PEBP4: variants seen among roughly 807,000 people sequenced by gnomAD.
PEBP4 encodes phosphatidylethanolamine-binding protein 4.
Under a neutral mutation model 23.9 loss-of-function variants are expected in PEBP4, and 22 were observed. The observed-to-expected ratio is 0.92, with a 90% CI of 0.66 to 1.31. The LOEUF is 1.31. PEBP4 is among the 40% of genes most tolerant of loss of function. The pLI is 0.00. For synonymous variants in PEBP4, 112 were observed against 99.3 expected, an observed-to-expected ratio of 1.13 and a Z score of -0.76; for missense variants, 324 against 281.7, an observed-to-expected ratio of 1.15 and a Z score of -1.07.
intron 6 of PEBP4, among the ~76,000 whole-genome samples, chr8:22,719,812 G>T (rs1255551628): frequency 6.6e-6 from 1 of 152,154 alleles, no homozygotes; most frequent in Non-Finnish European, 1.5e-5. Context: ...AGGGTGGCTG[G>T]TGGAGAGGCT....
chr8:22,745,091 T>C (rs1203517909), intron 4 of PEBP4, among the ~76,000 whole-genome samples: 1 of 152,208 alleles, frequency 6.6e-6, no homozygotes, highest in Non-Finnish European at 1.5e-5. Flanking sequence ...GGGAAGGGAA[T>C]ATTTTTTTCC....
chr8:22,762,414 A>T (rs1004157473), intron 4 of PEBP4, among the ~76,000 whole-genome samples: 10 of 152,252 alleles, frequency 6.6e-5, no homozygotes, highest in Non-Finnish European at 1.3e-4. Flanking sequence ...CAAAATGCCT[A>T]TCCACAGATG....
intron 6 of PEBP4, among the ~76,000 whole-genome samples, chr8:22,724,053 T>C (rs1463404719): frequency 6.6e-6 from 1 of 152,234 alleles, no homozygotes; most frequent in African/African-American, 2.4e-5. Context: ...CATTGTTCAG[T>C]CTCTATTGTC....
intron 3 of PEBP4, chr8:22,879,386 C>T (rs1368794770): frequency 1.3e-5 from 2 of 152,204 alleles, no homozygotes; most frequent in Non-Finnish European, 2.9e-5. Context: ...ACTCAGTAAA[C>T]GTCTTGTGAA....
intron 3 of PEBP4, among the ~76,000 whole-genome samples, chr8:22,858,041 G>T (rs536577599): frequency 6.6e-6 from 1 of 152,298 alleles, no homozygotes; most frequent in African/African-American, 2.4e-5. Flanking sequence ...GGGGACCATG[G>T]GGTAGAATTC....
intron 3 of PEBP4, among the ~76,000 whole-genome samples, chr8:22,856,166 C>T (rs1807643436): frequency 6.6e-6 from 1 of 151,288 alleles, no homozygotes; most frequent in Admixed American, 6.6e-5. Context: ...AAAAGTCTGA[C>T]CAATCAGTAA....
chr8:22,873,118 G>C lies in PEBP4; in HGVS notation c.258+47066C>G, dbSNP rs570420567. On this transcript the variant is annotated intron_variant, in intron 3 of 6. Coordinates refer to ENST00000256404, the MANE Select transcript of PEBP4 (RefSeq NM_144962.3). ...ACCAAAATCATTCTTCCCCAGGTGA[G>C]TATAAAGAGAAAGGGGCTGGAGAAT... Among the ~76,000 whole-genome samples, 8 of 152,284 alleles carry C rather than the reference G, an allele frequency of 5.3e-5. No homozygotes were observed. The South Asian group carries it at 1.7e-3, about 32-fold the overall frequency.
intron 4 of PEBP4, among the ~76,000 whole-genome samples, chr8:22,776,067 G>A (rs1805808453): frequency 6.6e-6 from 1 of 152,142 alleles, no homozygotes; most frequent in Admixed American, 6.5e-5. Context: ...CCTCTCCAGG[G>A]CCCTGGGGAC....
intron 4 of PEBP4, among the ~76,000 whole-genome samples, chr8:22,796,119 TG>T (rs1806254331): frequency 6.6e-6 from 1 of 152,240 alleles, no homozygotes; most frequent in Admixed American, 6.5e-5. Context: ...GGCCTCACAT[TG>T]CTGTGTTGGC....
intron 4 of PEBP4, among the ~76,000 whole-genome samples, chr8:22,788,689 T>A (rs545349813): frequency 3.9e-5 from 6 of 152,256 alleles, no homozygotes; most frequent in Admixed American, 6.5e-5. Context: ...TCTAAATTGA[T>A]ACAAGGATTC....
intron 1 of PEBP4, among the ~76,000 whole-genome samples, chr8:22,940,319 G>C (rs1005686895): frequency 1.3e-5 from 2 of 152,152 alleles, no homozygotes; most frequent in Admixed American, 1.3e-4. Flanking sequence ...AATTCAGGCA[G>C]TGAGAAATTC....
chr8:22,936,736 A>G (rs962151478), intron 1 of PEBP4, among the ~76,000 whole-genome samples: 3 of 152,208 alleles, frequency 2.0e-5, no homozygotes, highest in African/African-American at 4.8e-5. Context: ...TCAACAGTAC[A>G]CCGATAGGAT....
intron 4 of PEBP4, among the ~76,000 whole-genome samples, chr8:22,796,117 A>C (rs553478902): frequency 3.3e-5 from 5 of 152,236 alleles, no homozygotes; most frequent in Admixed American, 3.3e-4. Flanking sequence ...GTGGCCTCAC[A>C]TTGCTGTGTT....
intron 4 of PEBP4, among the ~76,000 whole-genome samples, chr8:22,789,350 C>G (rs559322679): frequency 2.0e-5 from 3 of 151,944 alleles, no homozygotes; most frequent in Admixed American, 6.6e-5. Context: ...TTTTTTGAGA[C>G]GAAGAAATTC....
intron 3 of PEBP4, among the ~76,000 whole-genome samples, chr8:22,914,417 A>C (rs976012657): frequency 2.0e-5 from 3 of 152,186 alleles, no homozygotes; most frequent in Admixed American, 1.3e-4. Context: ...TACTGTGCCC[A>C]GCCCCTGCCA....
intron 4 of PEBP4, among the ~76,000 whole-genome samples, chr8:22,806,523 G>A (rs776718395): frequency 1.3e-5 from 2 of 151,262 alleles, no homozygotes; most frequent in Non-Finnish European, 1.5e-5. Context: ...GCTGAGGCAG[G>A]AGAATTGCTT....
intron 3 of PEBP4, among the ~76,000 whole-genome samples, chr8:22,899,340 C>A (rs1004108770): frequency 1.3e-5 from 2 of 152,218 alleles, no homozygotes; most frequent in African/African-American, 4.8e-5. Flanking sequence ...TCTGTGGAGC[C>A]TTGGCCCATG....
At chr8:22,913,636 C>T in intron 3 of PEBP4, among the ~76,000 whole-genome samples, 1 of 152,178 alleles carries the variant, frequency 6.6e-6, no homozygotes. Flanking sequence ...CCCTGACTTC[C>T]AGTCAGTGGC....
chr8:22,903,782 G>A (rs969208441), intron 3 of PEBP4, among the ~76,000 whole-genome samples: 1 of 152,232 alleles, frequency 6.6e-6, no homozygotes, highest in Non-Finnish European at 1.5e-5. Flanking sequence ...AATAGGCATA[G>A]GAAAGTGCCC....
Sources: allele counts gnomAD v4.1 joint callset (sites outside exome capture counted in the v4.1 genomes callset), GRCh38; gene constraint gnomAD v4.1.1; transcripts MANE v1.5; gene names NCBI Gene and HGNC (gene_info 2026-07-23, HGNC 2026-07-21).